The following TACC2 variants were observed in gnomAD, a reference collection of about 807,000 sequenced individuals.
TACC2 encodes transforming acidic coiled-coil containing protein 2, also known as transforming acidic coiled-coil-containing protein 2.
In TACC2, 137 loss-of-function variants were observed where a neutral mutation model predicts 227.3. The ratio of observed to expected loss-of-function variants is 0.60; its 90% CI spans 0.52 to 0.69. The LOEUF (loss-of-function observed/expected upper bound fraction) is 0.69, where lower values mean the gene tolerates loss of function less well. Among genes scored for constraint, TACC2 ranks in the 30% least tolerant of loss-of-function variants. TACC2 has a pLI of 0.00. For missense variants in TACC2, 3,470 were observed against 3,694.4 expected, an observed-to-expected ratio of 0.94 and a Z score of 1.57; for synonymous variants, 1,523 against 1,487.5, an observed-to-expected ratio of 1.02 and a Z score of -0.55.
intron 3 of TACC2, among the ~76,000 whole-genome samples, chr10:122,055,291 G>T (rs539470034): frequency 6.6e-6 from 1 of 152,144 alleles, no homozygotes; most frequent in Non-Finnish European, 1.5e-5. Flanking sequence ...GTCGTTACAC[G>T]TGTGGGGTAG....
intron 7 of TACC2, among the ~76,000 whole-genome samples, chr10:122,165,403 G>A (rs1410543777): frequency 6.6e-6 from 1 of 152,164 alleles, no homozygotes; most frequent in Non-Finnish European, 1.5e-5. Context: ...GTGACTGTAC[G>A]TTTGGGAAAA....
chr10:122,237,621 G>A, intron 17 of TACC2, 83 bp downstream of exon 17: 1 of 1,514,748 alleles, frequency 6.6e-7, no homozygotes, highest in Non-Finnish European at 8.9e-7. Context: ...AGAGTCTTTG[G>A]AGACAGACTT....
At chr10:122,171,023 G>GTAGATTAGGGGCCATGAGCAA (rs1555098726) in intron 7 of TACC2, among the ~76,000 whole-genome samples, 48 of 150,558 alleles carry the variant, frequency 3.2e-4, no homozygotes, top group African/African-American at 1.0e-3. Flanking sequence ...GCTGTGAGCA[G>GTAGATTAGGGGCCATGAGCAA]TAGATTAGGG....
chr10:122,251,451 T>C (rs2141973546), intron 22 of TACC2, among the ~76,000 whole-genome samples: 1 of 152,336 alleles, frequency 6.6e-6, no homozygotes, highest in Non-Finnish European at 1.5e-5. Flanking sequence ...GGTTTTAGTG[T>C]TGAGTGTGCA....
rs547485475 is a variant in TACC2, at chr10:122,204,782, G to T, written c.5972-5615G>T. Among the ~76,000 whole-genome samples, 602 of 151,832 alleles carry T rather than the reference G, an allele frequency of 4.0e-3. 2 individuals carry two copies. The highest frequency in any genetic ancestry group is 6.7e-3 in the Non-Finnish European group (453 of 67,984). On this transcript the variant is annotated intron_variant, in intron 8 of 22. Coordinates refer to ENST00000369005, the MANE Select transcript of TACC2 (RefSeq NM_206862.4). ...CAAGGTTGCAATGAGCTATGATAAC[G>T]CCACTGCACTGCAGCCTGGGTGACA...
At chr10:122,132,436 C>T (rs969751210) in intron 5 of TACC2, among the ~76,000 whole-genome samples, 173 bp from the exon 6 acceptor site, 6 of 152,208 alleles carry the variant, frequency 3.9e-5, no homozygotes, top group African/African-American at 1.2e-4. Flanking sequence ...GTAATCGCAG[C>T]TACTCAGGAG....
At chr10:122,004,638 A>G (rs1954839079) in intron 1 of TACC2, among the ~76,000 whole-genome samples, 1 of 152,008 alleles carries the variant, frequency 6.6e-6, no homozygotes, top group Non-Finnish European at 1.5e-5. Context: ...CATTCCTATG[A>G]TTGCATCCCC....
At chr10:122,230,928 C>T (rs2095730588) in intron 16 of TACC2, among the ~76,000 whole-genome samples, 1 of 152,132 alleles carries the variant, frequency 6.6e-6, no homozygotes, top group African/African-American at 2.4e-5. Context: ...TAAGTGAAAC[C>T]AAGACATTTG....
intron 2 of TACC2, among the ~76,000 whole-genome samples, chr10:122,035,402 T>G: frequency 6.6e-6 from 1 of 152,130 alleles, no homozygotes. Context: ...CAGACATCAG[T>G]GAGTAAATAC....
At position 122,210,999 on chromosome 10, in the gene TACC2, C is replaced by G. The variant is rs772383562; in HGVS notation, c.6574C>G (p.Pro2192Ala). The G allele has an allele frequency of 3.1e-6, 5 of 1,612,618 alleles. No individual in the cohort carries two copies. Among genetic ancestry groups the G allele is most frequent in the Admixed American group, 1.7e-5 (1 of 59,708 alleles). ...GPSPALLEET[P>A]LEPAVGPKAA... ...TAGCCCAGCCTTATTGGAGGAGACG[C>G]CCCTTGAGCCCGCTGTGGGGCCCAA... The change falls in exon 9 of 23, where the codon CCC becomes GCC. Residue 2192 changes from proline to alanine, a missense_variant. This residue lies in a region of TACC2 where 593 missense variants were observed against 636.6 expected (regional missense o/e 0.93). Coordinates refer to ENST00000369005, the MANE Select transcript of TACC2 (RefSeq NM_206862.4). The surrounding 1 kb of genome is among the most constrained non-coding windows in gnomAD (Gnocchi z 4.6).
In TACC2 at chr10:122,211,087, G is replaced by A. The variant is rs776164733; in HGVS notation, c.6662G>A (p.Gly2221Asp). Residue 2221 changes from glycine to aspartate, a missense_variant, in exon 9 of 23, where the codon GGC becomes GAC. By Grantham distance (94) the Gly-to-Asp change is moderately conservative. Transcript: ENST00000369005. ...GTTGTCCCCCCGGCTTCTGGAGGTG[G>A]CAGAGTGCAGAACTCACCCCCTGTC... The part of the protein sequence containing the change: ...EGVVPPASGG[G>D]RVQNSPPVGR... The A allele has an allele frequency of 5.0e-6, 8 of 1,612,480 alleles. No homozygotes were observed. Among genetic ancestry groups the A allele is most frequent in the Middle Eastern group, 1.7e-4 (1 of 6,048 alleles).
chr10:122,000,214 C>T (rs921865781), intron 1 of TACC2, among the ~76,000 whole-genome samples: 1 of 152,126 alleles, frequency 6.6e-6, no homozygotes, highest in South Asian at 2.1e-4. Context: ...CCCGTCTCTA[C>T]TAAAAATACA....
chr10:121,990,696 C>T (rs1197596945), intron 1 of TACC2, among the ~76,000 whole-genome samples: 1 of 152,192 alleles, frequency 6.6e-6, no homozygotes, highest in Non-Finnish European at 1.5e-5. Context: ...TACCCACAAC[C>T]ATGGAGAAAG....
intron 7 of TACC2, among the ~76,000 whole-genome samples, chr10:122,154,443 T>C (rs905160843): frequency 2.6e-5 from 4 of 152,244 alleles, no homozygotes; most frequent in African/African-American, 9.6e-5. Context: ...TATGTAAATA[T>C]GCCATGCATT....
intron 7 of TACC2, among the ~76,000 whole-genome samples, chr10:122,164,266 C>CT (rs1278095565): frequency 6.6e-6 from 1 of 152,210 alleles, no homozygotes; most frequent in Non-Finnish European, 1.5e-5. Context: ...CCGTCAGCAT[C>CT]TTTCCTCTGC....
In TACC2 at chr10:122,006,635, A is replaced by G. The variant is rs113760562; in HGVS notation, c.-45-15302A>G. 1.2e-3 allele frequency among the ~76,000 whole-genome samples: 189 copies of G among 152,200 alleles called. 1 individual carries two copies. The highest frequency in any genetic ancestry group is 4.2e-3 in the African/African-American group (174 of 41,548). On this transcript the variant is annotated intron_variant, in intron 1 of 22. Coordinates refer to ENST00000369005, the MANE Select transcript of TACC2 (RefSeq NM_206862.4). ...GGTTAATTTTCCTAGGTATTTAGTG[A>G]GTCCTTCCAGCACGTAGATTCAGGT...
intron 7 of TACC2, among the ~76,000 whole-genome samples, chr10:122,154,058 G>T (rs1039219724): frequency 1.3e-5 from 2 of 152,342 alleles, no homozygotes; most frequent in East Asian, 3.9e-4. Context: ...GCCCTGGAAG[G>T]GCTCGTCCTA....
At chr10:122,184,869 G>A (rs536810023) in intron 7 of TACC2, among the ~76,000 whole-genome samples, 30 of 151,976 alleles carry the variant, frequency 2.0e-4, no homozygotes, top group African/African-American at 7.0e-4. Flanking sequence ...ACTCACCTTC[G>A]TTAACAGCCA....
chr10:122,125,041 C>T (rs1018592563), intron 5 of TACC2, among the ~76,000 whole-genome samples: 4 of 151,870 alleles, frequency 2.6e-5, no homozygotes, highest in Admixed American at 2.6e-4. Flanking sequence ...GGGAAATCGC[C>T]ATCCAGTCTT....
Sources: gnomAD v4.1 joint callset for allele counts (sites outside exome capture counted in the v4.1 genomes callset) on GRCh38, gnomAD v4.1.1 for gene constraint, gnomAD v4.1.1 regional missense constraint, Gnocchi (gnomAD v3.1) non-coding constraint, MANE v1.5 for transcripts, NCBI Gene and HGNC (gene_info 2026-07-23, HGNC 2026-07-21) for gene names.